Variants in EYS observed in about 807,000 individuals in gnomAD.
EYS encodes the protein EGF-like photoreceptor maintenance factor, also known as protein eyes shut homolog.
A neutral mutation model predicts 282.1 loss-of-function variants in EYS; 250 were observed. The observed-to-expected ratio is 0.89, with a 90% CI of 0.80 to 0.98. EYS has a LOEUF of 0.98. EYS is among the 50% of genes least tolerant of loss of function. The probability of loss-of-function intolerance (pLI) is 0.00; values close to 1 mark genes in which losing one functional copy is unlikely to be tolerated. For missense variants in EYS, 4,016 were observed against 3,709.0 expected, an observed-to-expected ratio of 1.08 and a Z score of -2.15; for synonymous variants, 1,355 against 1,282.9, an observed-to-expected ratio of 1.06 and a Z score of -1.20.
At chr6:64,954,933 C>T (rs1769642586) in intron 14 of EYS, among the ~76,000 whole-genome samples, 1 of 152,112 alleles carries the variant, frequency 6.6e-6, no homozygotes, top group African/African-American at 2.4e-5. Context: ...CTTTGGAAGG[C>T]TGAGGCAGGT....
chr6:64,481,274 G>GTGTATA (rs1461029125), intron 26 of EYS, among the ~76,000 whole-genome samples: 56 of 140,620 alleles, frequency 4.0e-4, no homozygotes, highest in African/African-American at 1.0e-3. Flanking sequence ...GTGTGTGTGT[G>GTGTATA]TATATATATA....
At chr6:64,183,441 C>T (rs1330859995) in intron 31 of EYS, among the ~76,000 whole-genome samples, 1 of 152,086 alleles carries the variant, frequency 6.6e-6, no homozygotes, top group Non-Finnish European at 1.5e-5. Flanking sequence ...GTATTCCTGG[C>T]ACTTAACACA....
At chr6:64,866,036 GATT>G (rs1198607008) in intron 19 of EYS, among the ~76,000 whole-genome samples, 1 of 151,950 alleles carries the variant, frequency 6.6e-6, no homozygotes, top group Non-Finnish European at 1.5e-5. Context: ...TTAAGTAAAA[GATT>G]ATGATTTATT....
At chr6:64,826,750 T>C (rs924805573) in intron 19 of EYS, among the ~76,000 whole-genome samples, 4 of 150,688 alleles carry the variant, frequency 2.7e-5, no homozygotes, top group African/African-American at 4.9e-5. Context: ...TTTTCTTACT[T>C]TCTCTTCATT....
At chr6:63,991,412 T>G (rs1032232106) in intron 34 of EYS, among the ~76,000 whole-genome samples, 1 of 151,648 alleles carries the variant, frequency 6.6e-6, no homozygotes, top group Admixed American at 6.6e-5. Context: ...TCTATATGAA[T>G]TACCTGACAA....
chr6:64,804,518 C>T (rs1302874494), intron 22 of EYS, among the ~76,000 whole-genome samples: 1 of 152,116 alleles, frequency 6.6e-6, no homozygotes, highest in Non-Finnish European at 1.5e-5. Flanking sequence ...ATTAGTGCCA[C>T]AACTCTCTTT....
At chr6:64,266,528 G>A (rs920029956) in intron 30 of EYS, among the ~76,000 whole-genome samples, 3 of 152,140 alleles carry the variant, frequency 2.0e-5, no homozygotes, top group African/African-American at 4.8e-5. Flanking sequence ...TAAAATGAGT[G>A]TTATTGAACT....
At chr6:65,024,101 A>T (rs1438052523) in intron 13 of EYS, among the ~76,000 whole-genome samples, 1 of 152,160 alleles carries the variant, frequency 6.6e-6, no homozygotes, top group Non-Finnish European at 1.5e-5. Flanking sequence ...AACTAACTTT[A>T]ACTTGAGAAA....
chr6:65,117,342 A>G (rs546577139), intron 12 of EYS, among the ~76,000 whole-genome samples: 1 of 152,344 alleles, frequency 6.6e-6, no homozygotes, highest in East Asian at 1.9e-4. Flanking sequence ...TAAAACAGGT[A>G]TAGGACAAAC....
intron 22 of EYS, among the ~76,000 whole-genome samples, chr6:64,663,372 TAAC>T (rs68074729): frequency 0.64 from 96,943 of 151,688 alleles, 31,195 homozygotes; most frequent in African/African-American, 0.71. Context: ...ATTGGACAGT[TAAC>T]AACTTTTTCA....
At chr6:65,489,203 G>T (rs957728292) in intron 5 of EYS, among the ~76,000 whole-genome samples, 9 of 152,010 alleles carry the variant, frequency 5.9e-5, no homozygotes, top group Admixed American at 1.3e-4. Flanking sequence ...CTACAGAATG[G>T]GAGAAAAATT....
chr6:63,878,342 C>T (rs747998160), intron 35 of EYS, among the ~76,000 whole-genome samples: 1 of 152,108 alleles, frequency 6.6e-6, no homozygotes, highest in Non-Finnish European at 1.5e-5. Context: ...CTGGAAGCTT[C>T]GTTTCAGAGG....
intron 12 of EYS, among the ~76,000 whole-genome samples, chr6:65,093,536 A>G (rs1774635394): frequency 6.6e-6 from 1 of 151,942 alleles, no homozygotes; most frequent in Admixed American, 6.6e-5. Context: ...AAGTGTAGAA[A>G]TTTTATACTG....
At chr6:64,425,240 T>G (rs1320639581) in intron 28 of EYS, among the ~76,000 whole-genome samples, 2 of 152,120 alleles carry the variant, frequency 1.3e-5, no homozygotes, top group African/African-American at 2.4e-5. Context: ...AGTAAGCCAA[T>G]GAAGAACCTT....
intron 2 of EYS, among the ~76,000 whole-genome samples, chr6:65,638,475 TAGG>T (rs1249147668): frequency 1.3e-5 from 2 of 152,156 alleles, no homozygotes; most frequent in Non-Finnish European, 2.9e-5. Context: ...ACGCCAGACC[TAGG>T]GGCTCCCCGA....
chr6:65,495,064 T>C lies in EYS; in HGVS notation c.347A>G (p.Gln116Arg). ...VSETSFVGCV[Q>R]NTTTEDQLLF... ...TAACTGATCTTCCGTTGTGGTATTTTGCACACAGCCAACGAAAGATGTTTC... is the reference window on the plus strand; with the variant it reads ...TAACTGATCTTCCGTTGTGGTATTTCGCACACAGCCAACGAAAGATGTTTC... The change falls in exon 4 of 43, where the codon CAA (glutamine) becomes CGA (arginine). Residue 116 changes from glutamine to arginine, a missense_variant. By Grantham distance (43) the Gln-to-Arg change is conservative. Transcript: ENST00000503581. 2 of 1,614,224 alleles carry C rather than the reference T, an allele frequency of 1.2e-6. No homozygotes were observed. The highest frequency in any genetic ancestry group is 1.7e-6 in the Non-Finnish European group (2 of 1,180,038).
chr6:65,645,576 T>C (rs990246861), intron 1 of EYS, among the ~76,000 whole-genome samples: 1 of 151,890 alleles, frequency 6.6e-6, no homozygotes, highest in Non-Finnish European at 1.5e-5. Context: ...TATCAAAAAG[T>C]CTAAAAGGGC....
intron 12 of EYS, among the ~76,000 whole-genome samples, chr6:65,125,223 A>T (rs775101167): frequency 2.0e-4 from 30 of 152,198 alleles, no homozygotes; most frequent in Admixed American, 1.0e-3. Flanking sequence ...CCCTTCATTT[A>T]TTCAAGATAA....
At chr6:64,508,653 T>G (rs191297119) in intron 26 of EYS, among the ~76,000 whole-genome samples, 14 of 151,044 alleles carry the variant, frequency 9.3e-5, no homozygotes, top group Non-Finnish European at 1.8e-4. Context: ...TTTTCAATCT[T>G]GTTGGTCTCA....
Sources: allele counts gnomAD v4.1 joint callset (sites outside exome capture counted in the v4.1 genomes callset), GRCh38; gene constraint gnomAD v4.1.1; transcripts MANE v1.5; gene names NCBI Gene and HGNC (gene_info 2026-07-23, HGNC 2026-07-21).